The following CLVS1 variants were observed in gnomAD, a reference collection of about 807,000 sequenced individuals.
CLVS1 encodes clavesin 1, also known as clavesin-1.
In CLVS1, 10 loss-of-function variants were observed where a neutral mutation model predicts 33.1. The observed-to-expected ratio is 0.30, with a 90% CI of 0.19 to 0.51. The LOEUF is 0.51. Ranked by LOEUF, CLVS1 falls within the 20% of genes least tolerant of loss-of-function variation. The probability of loss-of-function intolerance (pLI) is 0.97; values close to 1 mark genes in which losing one functional copy is unlikely to be tolerated. For missense variants in CLVS1, 343 were observed against 433.4 expected (o/e 0.79, Z 1.85); for synonymous variants, 163 against 166.1 (o/e 0.98, Z 0.14).
At chr8:61,444,603 G>A (rs572505613) in intron 3 of CLVS1, among the ~76,000 whole-genome samples, 6 of 152,200 alleles carry the variant, frequency 3.9e-5, no homozygotes, top group Non-Finnish European at 5.9e-5. Flanking sequence ...GCTATGATAA[G>A]TTTGTTACAC....
chr8:61,433,891 G>C (rs1169350091), intron 3 of CLVS1, among the ~76,000 whole-genome samples: 1 of 151,978 alleles, frequency 6.6e-6, no homozygotes, highest in African/African-American at 2.4e-5. Flanking sequence ...TCCAGCCTAG[G>C]TGACAGAGCA....
intron 2 of CLVS1, among the ~76,000 whole-genome samples, chr8:61,180,791 C>T (rs4737580): frequency 0.16 from 24,348 of 152,120 alleles, 2,160 homozygotes; most frequent in Admixed American, 0.25. Flanking sequence ...TTCAACATCG[C>T]TTCATATTAA....
At chr8:61,106,649 C>G (rs1469118502) in intron 1 of CLVS1, among the ~76,000 whole-genome samples, 3 of 152,132 alleles carry the variant, frequency 2.0e-5, no homozygotes, top group Non-Finnish European at 4.4e-5. Flanking sequence ...GACAAACAGC[C>G]CAGGTGCAGG....
intron 2 of CLVS1, among the ~76,000 whole-genome samples, chr8:61,227,389 C>A (rs907196430): frequency 1.3e-5 from 2 of 151,274 alleles, no homozygotes; most frequent in Non-Finnish European, 2.9e-5. Context: ...AATCACATTT[C>A]CAGCAGTCCT....
intron 2 of CLVS1, among the ~76,000 whole-genome samples, chr8:61,136,212 T>C (rs150570838): frequency 1.1e-3 from 168 of 152,324 alleles, no homozygotes; most frequent in African/African-American, 4.0e-3. Flanking sequence ...TGGAGGGTCA[T>C]ATTGGATGCA....
intron 1 of CLVS1, among the ~76,000 whole-genome samples, chr8:61,057,644 C>A (rs892992689): frequency 6.6e-6 from 1 of 151,984 alleles, no homozygotes; most frequent in Admixed American, 6.6e-5. Context: ...AAAAAAAAAC[C>A]TTTGCATTTG....
chr8:61,032,353 G>C, the CLVS1 span, among the ~76,000 whole-genome samples: 3 of 152,202 alleles, frequency 2.0e-5, no homozygotes, highest in African/African-American at 7.2e-5. Context: ...CCCAGTCTAA[G>C]CTACAAGGCA....
intron 5 of CLVS1, among the ~76,000 whole-genome samples, chr8:61,459,730 T>A (rs1817302799): frequency 6.6e-6 from 1 of 152,136 alleles, no homozygotes. Flanking sequence ...ATCACATACA[T>A]CTATACACAC....
At chr8:61,079,084 C>G (rs1804976215) in intron 1 of CLVS1, among the ~76,000 whole-genome samples, 1 of 152,080 alleles carries the variant, frequency 6.6e-6, no homozygotes, top group Non-Finnish European at 1.5e-5. Context: ...TGGGGGAAAA[C>G]TCAAAAACCG....
intron 2 of CLVS1, among the ~76,000 whole-genome samples, chr8:61,312,712 A>G (rs1483014514): frequency 2.6e-5 from 4 of 152,190 alleles, no homozygotes; most frequent in Non-Finnish European, 5.9e-5. Flanking sequence ...CCTCAGGACA[A>G]TTTATGAAGG....
At chr8:61,083,663 A>C (rs996930757) in intron 1 of CLVS1, among the ~76,000 whole-genome samples, 5 of 152,152 alleles carry the variant, frequency 3.3e-5, no homozygotes, top group African/African-American at 1.2e-4. Context: ...AGGTAAATTA[A>C]AGGAGAAAAT....
chr8:61,119,025 C>T (rs1314705429), intron 1 of CLVS1, among the ~76,000 whole-genome samples: 2 of 152,156 alleles, frequency 1.3e-5, no homozygotes, highest in African/African-American at 4.8e-5. Context: ...TTGCAGATCA[C>T]TCAGGACTTG....
At chr8:61,270,132 A>G in intron 2 of CLVS1, among the ~76,000 whole-genome samples, 1 of 152,158 alleles carries the variant, frequency 6.6e-6, no homozygotes, top group Non-Finnish European at 1.5e-5. Context: ...CCCATTCAGT[A>G]TGATATTGGC....
At chr8:61,416,786 C>G (rs1322405038) in intron 3 of CLVS1, among the ~76,000 whole-genome samples, 1 of 152,228 alleles carries the variant, frequency 6.6e-6, no homozygotes, top group Non-Finnish European at 1.5e-5. Context: ...CCAGCTGAAG[C>G]AGCTCCACTT....
intron 2 of CLVS1, chr8:61,300,560 G>C (rs2129594660): frequency 3.1e-6 from 1 of 325,840 alleles, no homozygotes; most frequent in South Asian, 7.4e-5. Context: ...GGATCTTCTA[G>C]AAGAACCATA....
intron 2 of CLVS1, among the ~76,000 whole-genome samples, chr8:61,320,218 T>A (rs1811146529): frequency 6.6e-6 from 1 of 152,210 alleles, no homozygotes; most frequent in Non-Finnish European, 1.5e-5. Flanking sequence ...TTCTGTATTT[T>A]GTTTTATACA....
the CLVS1 span, among the ~76,000 whole-genome samples, chr8:60,986,338 G>C: frequency 6.6e-6 from 1 of 152,214 alleles, no homozygotes; most frequent in Non-Finnish European, 1.5e-5. Context: ...GAAGAATCTT[G>C]AACTTATTTT....
At chr8:61,272,648 G>T (rs2129592788) in intron 2 of CLVS1, among the ~76,000 whole-genome samples, 2 of 152,132 alleles carry the variant, frequency 1.3e-5, no homozygotes, top group East Asian at 3.9e-4. Context: ...ACGTAGATTT[G>T]GTCTTTTCAC....
chr8:61,439,589 A>C (rs551724765), intron 3 of CLVS1, among the ~76,000 whole-genome samples: 1 of 152,340 alleles, frequency 6.6e-6, no homozygotes, highest in East Asian at 1.9e-4. Flanking sequence ...CTTGAGCTCT[A>C]TTAAGCAGAA....
Sources: allele counts gnomAD v4.1 joint callset (sites outside exome capture counted in the v4.1 genomes callset), GRCh38; gene constraint gnomAD v4.1.1; transcripts MANE v1.5; gene names NCBI Gene and HGNC (gene_info 2026-07-23, HGNC 2026-07-21).